Variants in RIMS2 observed in about 807,000 individuals in gnomAD.
The protein encoded by RIMS2 is regulating synaptic membrane exocytosis protein 2.
A neutral mutation model predicts 174.4 loss-of-function variants in RIMS2; 59 were observed. That is an observed-to-expected ratio of 0.34 (90% CI 0.27 to 0.42). RIMS2 has a LOEUF of 0.42. RIMS2 is among the 10% of genes least tolerant of loss of function. The probability of loss-of-function intolerance (pLI) is 1.00; values close to 1 mark genes in which losing one functional copy is unlikely to be tolerated. For synonymous variants in RIMS2, 606 were observed against 572.5 expected (o/e 1.06, Z -0.84); for missense variants, 1,620 against 1,666.3 (o/e 0.97, Z 0.48).
chr8:103,555,894 G>T (rs796082006), intron 1 of RIMS2, among the ~76,000 whole-genome samples: 4 of 152,082 alleles, frequency 2.6e-5, no homozygotes, highest in African/African-American at 9.6e-5. Context: ...GCAACAACGT[G>T]AATGATCTCA....
chr8:103,756,575 G>A (rs564387474), intron 2 of RIMS2, among the ~76,000 whole-genome samples: 7 of 151,768 alleles, frequency 4.6e-5, no homozygotes, highest in African/African-American at 1.4e-4. Flanking sequence ...GGTGGGCCAC[G>A]CCACTATGTC....
chr8:103,845,828 CA>C (rs1203094537), intron 3 of RIMS2, among the ~76,000 whole-genome samples: 5 of 151,992 alleles, frequency 3.3e-5, no homozygotes, highest in Non-Finnish European at 5.9e-5. Context: ...GCTATTTATC[CA>C]GTGCTTTTTA....
At chr8:103,927,187 T>C (rs1356139732) in intron 10 of RIMS2, among the ~76,000 whole-genome samples, 1 of 151,556 alleles carries the variant, frequency 6.6e-6, no homozygotes, top group African/African-American at 2.4e-5. Flanking sequence ...AGCAGTGTTA[T>C]CTTGAGTGAT....
chr8:103,918,382 T>C (rs749336818), intron 8 of RIMS2, 59 bp from the exon 12 acceptor site: 215 of 1,034,336 alleles, frequency 2.1e-4, no homozygotes, highest in Non-Finnish European at 3.0e-4. Context: ...ATAAAAAATA[T>C]GAGTTGCATT....
chr8:104,250,612 CAGTA>C (rs35364653), intron 22 of RIMS2, among the ~76,000 whole-genome samples: 111,235 of 151,488 alleles, frequency 0.73, 41,606 homozygotes, highest in African/African-American at 0.87. Flanking sequence ...ACACCACCAC[CAGTA>C]AGTAAGTACT....
chr8:104,203,973 A>G (rs2121547), intron 19 of RIMS2, among the ~76,000 whole-genome samples: 6,292 of 152,332 alleles, frequency 0.041, 182 homozygotes, highest in Non-Finnish European at 0.062. Flanking sequence ...TAGTTTGAAT[A>G]TTTTTAACTG....
chr8:103,962,144 C>CTTCCAA (rs1361605792), intron 15 of RIMS2, among the ~76,000 whole-genome samples: 4 of 151,964 alleles, frequency 2.6e-5, no homozygotes, highest in African/African-American at 7.2e-5. Flanking sequence ...AGGTTTTCTT[C>CTTCCAA]TTCCAAATTC....
At chr8:104,054,349 C>T (rs1352871545) in intron 19 of RIMS2, among the ~76,000 whole-genome samples, 2 of 152,176 alleles carry the variant, frequency 1.3e-5, no homozygotes, top group South Asian at 2.1e-4. Flanking sequence ...TAGCAATCAG[C>T]GGCAGCATCT....
At chr8:104,094,406 T>A (rs1320674125) in intron 19 of RIMS2, 1 of 582,784 alleles carries the variant, frequency 1.7e-6, no homozygotes, top group African/African-American at 1.9e-5. Flanking sequence ...TTTAATTTCA[T>A]AAGTGTTTTT....
At chr8:103,784,857 G>A (rs1206522753) in intron 3 of RIMS2, among the ~76,000 whole-genome samples, 1 of 122,986 alleles carries the variant, frequency 8.1e-6, no homozygotes, top group Non-Finnish European at 1.7e-5. Context: ...AATTACCTTG[G>A]GCAGTATGGC....
chr8:103,924,139 A>G (rs531901468), intron 10 of RIMS2, among the ~76,000 whole-genome samples: 1 of 151,828 alleles, frequency 6.6e-6, no homozygotes, highest in Non-Finnish European at 1.5e-5. Flanking sequence ...TGTCAGAATA[A>G]CCTTCCAGAA....
At chr8:103,810,770 A>T (rs1458486713) in intron 3 of RIMS2, among the ~76,000 whole-genome samples, 1 of 152,176 alleles carries the variant, frequency 6.6e-6, no homozygotes, top group Non-Finnish European at 1.5e-5. Context: ...TAGAATAGGT[A>T]GCCTTTGGGA....
chr8:103,551,940 C>T (rs558949032), intron 1 of RIMS2, among the ~76,000 whole-genome samples: 12 of 151,982 alleles, frequency 7.9e-5, no homozygotes, highest in South Asian at 2.1e-4. Flanking sequence ...CACTGCTCAA[C>T]GAAATAAAAG....
rs7845614 is a variant in RIMS2, at chr8:104,134,866, T to C, written c.3335-110050T>C. Among the ~76,000 whole-genome samples the C allele has an allele frequency of 6.8e-3, 1,040 of 152,274 alleles. 7 individuals are homozygous for C. Among genetic ancestry groups the C allele is most frequent in the African/African-American group, 0.015 (612 of 41,564 alleles). ...TTCTACCCAAACTTCATCCTAAATGTGTTGTTCTTACTTCAATTTAAGCAG... is the reference window on the plus strand; with the variant it reads ...TTCTACCCAAACTTCATCCTAAATGCGTTGTTCTTACTTCAATTTAAGCAG... On this transcript the variant is annotated intron_variant, in intron 19 of 23. Transcript: ENST00000504942.
At chr8:104,000,166 A>G (rs2095321102) in intron 17 of RIMS2, among the ~76,000 whole-genome samples, 1 of 151,458 alleles carries the variant, frequency 6.6e-6, no homozygotes, top group African/African-American at 2.4e-5. Context: ...TTTAAAAAAT[A>G]TTTTGTACCC....
intron 3 of RIMS2, among the ~76,000 whole-genome samples, chr8:103,789,230 T>G (rs967596622): frequency 6.6e-5 from 10 of 151,922 alleles, no homozygotes; most frequent in African/African-American, 2.4e-4. Context: ...ATCACCGTCT[T>G]TTGTGTCGCT....
At chr8:104,237,215 G>A (rs1379039634) in intron 19 of RIMS2, among the ~76,000 whole-genome samples, 2 of 151,758 alleles carry the variant, frequency 1.3e-5, no homozygotes, top group Non-Finnish European at 2.9e-5. Context: ...AAATGATGTT[G>A]AAAACAAAAA....
intron 1 of RIMS2, among the ~76,000 whole-genome samples, chr8:103,578,479 C>G (rs1175879318): frequency 6.6e-6 from 1 of 151,752 alleles, no homozygotes; most frequent in African/African-American, 2.4e-5. Flanking sequence ...TGCAGTGAGC[C>G]AAGATAGTAA....
intron 19 of RIMS2, among the ~76,000 whole-genome samples, chr8:104,166,737 T>A (rs1322196730): frequency 2.0e-5 from 3 of 151,424 alleles, no homozygotes; most frequent in East Asian, 3.9e-4. Context: ...TATAACTGTA[T>A]AAATATTTAT....
Sources: gnomAD v4.1 joint callset for allele counts (sites outside exome capture counted in the v4.1 genomes callset) on GRCh38, gnomAD v4.1.1 for gene constraint, MANE v1.5 for transcripts, NCBI Gene and HGNC (gene_info 2026-07-23, HGNC 2026-07-21) for gene names.